The following CPEB3 variants were observed in gnomAD, a reference collection of about 807,000 sequenced individuals.
The protein encoded by CPEB3 is cytoplasmic polyadenylation element-binding protein 3.
In CPEB3, 20 loss-of-function variants were observed where a neutral mutation model predicts 67.2. The ratio of observed to expected loss-of-function variants is 0.30; its 90% CI spans 0.21 to 0.43. The LOEUF is 0.43. Among genes scored for constraint, CPEB3 ranks in the 20% least tolerant of loss-of-function variants. The pLI is 1.00. For missense variants in CPEB3, 746 were observed against 968.6 expected (o/e 0.77, Z 3.05); for synonymous variants, 376 against 393.1 (o/e 0.96, Z 0.51).
In CPEB3 at chr10:92,196,565, G is replaced by A. The variant is rs780154515; in HGVS notation, c.1006-3929C>T. Among the ~76,000 whole-genome samples, 5 of 151,980 alleles carry A rather than the reference G, an allele frequency of 3.3e-5. No individual in the cohort carries two copies. The South Asian group carries it at 6.2e-4, about 19-fold the overall frequency. ...GGGTGGATCACGAGGTCAGGAGATC[G>A]AGACCATCCTGGCTAACATAGTGAA... On this transcript the variant is annotated intron_variant, in intron 2 of 9. Transcript: ENST00000265997.
intron 2 of CPEB3, chr10:92,216,456 G>T: frequency 3.1e-6 from 5 of 1,612,804 alleles, no homozygotes; most frequent in Non-Finnish European, 4.2e-6. Context: ...GCTTCTCGCC[G>T]CCTCAAGCGG....
Position 92,144,588 on chromosome 10 carries a change from T to C in CPEB3, c.1363+357A>G, listed in dbSNP as rs577000774. Among the ~76,000 whole-genome samples, 16 of 152,238 alleles carry C rather than the reference T, an allele frequency of 1.1e-4. No individual in the cohort carries two copies. The South Asian group carries it at 3.3e-3, about 32-fold the overall frequency. ...CCAGTATTTATATTAAAATGTGAGA[T>C]GGTTTGGTGTGATGCACATGAGCAG... On this transcript the variant is annotated intron_variant, in intron 5 of 9. Coordinates refer to ENST00000265997, the MANE Select transcript of CPEB3 (RefSeq NM_014912.5).
chr10:92,210,958 C>G (rs954567268), intron 2 of CPEB3, among the ~76,000 whole-genome samples: 1 of 152,130 alleles, frequency 6.6e-6, no homozygotes, highest in African/African-American at 2.4e-5. Flanking sequence ...ATCGCTTGAG[C>G]CTGGTACATA....
At chr10:92,264,824 GGACGAC>G (rs1320749790) in intron 1 of CPEB3, among the ~76,000 whole-genome samples, 2 of 152,176 alleles carry the variant, frequency 1.3e-5, no homozygotes, top group Non-Finnish European at 2.9e-5. Context: ...GGCCGAGGCA[GGACGAC>G]GATCACTGAG....
At chr10:92,118,686 G>A (rs578201361) in intron 6 of CPEB3, 7 of 691,090 alleles carry the variant, frequency 1.0e-5, no homozygotes, top group East Asian at 8.4e-5. Context: ...CATGTTGGTC[G>A]ACATTGCCTC....
At chr10:92,214,641 T>C (rs1234648091) in intron 2 of CPEB3, among the ~76,000 whole-genome samples, 7 of 151,832 alleles carry the variant, frequency 4.6e-5, no homozygotes, top group African/African-American at 1.7e-4. Context: ...CACCACGACA[T>C]CTGGCTAATT....
chr10:92,262,700 A>G (rs1852858808), intron 1 of CPEB3, among the ~76,000 whole-genome samples: 1 of 152,152 alleles, frequency 6.6e-6, no homozygotes, highest in Non-Finnish European at 1.5e-5. Context: ...TTTTTAAAAA[A>G]TAAATAAATA....
chr10:92,155,508 A>G (rs985845935), intron 4 of CPEB3, among the ~76,000 whole-genome samples: 3 of 152,234 alleles, frequency 2.0e-5, no homozygotes, highest in African/African-American at 7.2e-5. Context: ...CGATCTAGAC[A>G]TGCTTCATCC....
At chr10:92,228,644 T>G (rs1214798863) in intron 2 of CPEB3, among the ~76,000 whole-genome samples, 2 of 152,146 alleles carry the variant, frequency 1.3e-5, no homozygotes, top group South Asian at 2.1e-4. Flanking sequence ...TAATCTCACA[T>G]GCCTGGAATT....
chr10:92,079,578 A>G (rs1293420473), intron 9 of CPEB3, among the ~76,000 whole-genome samples: 1 of 152,250 alleles, frequency 6.6e-6, no homozygotes, highest in Non-Finnish European at 1.5e-5. Context: ...TTAATTAAAA[A>G]GCAAACCACT....
intron 9 of CPEB3, among the ~76,000 whole-genome samples, chr10:92,080,213 A>G (rs1392405736): frequency 6.6e-6 from 1 of 151,916 alleles, no homozygotes; most frequent in Non-Finnish European, 1.5e-5. Flanking sequence ...TCTCAAAAAA[A>G]AAAAAAAAAG....
At chr10:92,138,244 T>C (rs1170440178) in intron 6 of CPEB3, 1 of 222,710 alleles carries the variant, frequency 4.5e-6, no homozygotes, top group African/African-American at 2.3e-5. Flanking sequence ...TCGAGGTGGA[T>C]GGTTTGGCCA....
At position 92,253,481 on chromosome 10, in the gene CPEB3, A is replaced by AAAAG. The variant is rs1554935024; in HGVS notation, c.-11-13124_-11-13121dup. Among the ~76,000 whole-genome samples, 234 of 144,894 alleles carry AAAAG rather than the reference A, an allele frequency of 1.6e-3. 2 individuals carry two copies. Among genetic ancestry groups the AAAAG allele is most frequent in the Non-Finnish European group, 2.5e-3 (169 of 67,314 alleles). ...CTCAAAACAAAAAAAAAAAAAAAAA[A>AAAAG]AAAGAAAAGAAAGAAAAGAAAATTC... On this transcript the variant is annotated intron_variant, in intron 1 of 9. Coordinates refer to ENST00000265997, the MANE Select transcript of CPEB3 (RefSeq NM_014912.5).
chr10:92,249,431 T>C (rs1332740322), intron 1 of CPEB3, among the ~76,000 whole-genome samples: 1 of 152,000 alleles, frequency 6.6e-6, no homozygotes, highest in Non-Finnish European at 1.5e-5. Context: ...ACAAAATACT[T>C]GATAATTATA....
chr10:92,196,730 T>C (rs1210456829), intron 2 of CPEB3, among the ~76,000 whole-genome samples: 4 of 148,518 alleles, frequency 2.7e-5, no homozygotes, highest in Non-Finnish European at 5.9e-5. Context: ...CTCATGGCAC[T>C]GCACTCAGCC....
chr10:92,107,922 T>C (rs557456767), intron 7 of CPEB3, among the ~76,000 whole-genome samples: 1 of 152,250 alleles, frequency 6.6e-6, no homozygotes, highest in East Asian at 1.9e-4. Context: ...AATATCTCCC[T>C]AACACAACCT....
At chr10:92,077,840 A>G (rs923279920) in intron 9 of CPEB3, among the ~76,000 whole-genome samples, 1 of 151,308 alleles carries the variant, frequency 6.6e-6, no homozygotes, top group Non-Finnish European at 1.5e-5. Flanking sequence ...AGGGGAGGGG[A>G]AAAGATCTCC....
At chr10:92,156,079 A>G (rs1296354723) in intron 4 of CPEB3, among the ~76,000 whole-genome samples, 1 of 152,184 alleles carries the variant, frequency 6.6e-6, no homozygotes, top group East Asian at 1.9e-4. Context: ...CACTAGAGAC[A>G]ACTATCCTCA....
chr10:92,172,678 A>G lies in CPEB3; in HGVS notation c.1222+8285T>C, dbSNP rs540249959. Reference sequence around the variant, plus strand: ...ACAAACCTGCATATGTACCCCCTGAACCTAAAAGTTGAAAGGGGGAAAAAA... The same window carrying G: ...ACAAACCTGCATATGTACCCCCTGAGCCTAAAAGTTGAAAGGGGGAAAAAA... On this transcript the variant is annotated intron_variant, in intron 4 of 9. Coordinates refer to ENST00000265997, the MANE Select transcript of CPEB3 (RefSeq NM_014912.5). 1.8e-4 allele frequency among the ~76,000 whole-genome samples: 28 copies of G among 152,308 alleles called. No homozygotes were observed. The South Asian group carries it at 3.9e-3, about 21-fold the overall frequency.
Sources: allele counts gnomAD v4.1 joint callset (sites outside exome capture counted in the v4.1 genomes callset), GRCh38; gene constraint gnomAD v4.1.1; transcripts MANE v1.5; gene names NCBI Gene and HGNC (gene_info 2026-07-23, HGNC 2026-07-21).